Variants in STK32B observed in about 807,000 individuals in gnomAD.
STK32B encodes serine/threonine-protein kinase 32B.
Under a neutral mutation model 52.6 loss-of-function variants are expected in STK32B, and 43 were observed. The observed-to-expected ratio is 0.82, with a 90% CI of 0.64 to 1.05. The LOEUF (loss-of-function observed/expected upper bound fraction) is 1.05, where lower values mean the gene tolerates loss of function less well. STK32B is among the 50% of genes least tolerant of loss of function. The pLI is 0.00. For missense variants in STK32B, 621 were observed against 534.6 expected (o/e 1.16, Z -1.59); for synonymous variants, 238 against 204.3 (o/e 1.17, Z -1.41).
intron 3 of STK32B, among the ~76,000 whole-genome samples, chr4:5,274,795 C>T (rs7694814): frequency 0.11 from 16,339 of 152,080 alleles, 2,388 homozygotes; most frequent in African/African-American, 0.33. Flanking sequence ...TTTCCATCGC[C>T]GTCCACCACT....
rs16837331 is a variant in STK32B, at chr4:5,470,812, G to A, written c.1106+2742G>A. On this transcript the variant is annotated intron_variant, in intron 11 of 11. Transcript: ENST00000282908. This position sits in a 1 kb window ranked among gnomAD's most constrained non-coding sequence, Gnocchi z 4.6. ...ACCTGTTTATCCTTCACTTCTGTCT[G>A]GAATCCCATGTTAGAGGCACTGCTG... 0.023 allele frequency among the ~76,000 whole-genome samples: 3,530 copies of A among 152,304 alleles called. 49 individuals carry two copies. The highest frequency in any genetic ancestry group is 0.039 in the African/African-American group (1,630 of 41,564).
At chr4:5,416,572 C>A (rs1226706734) in intron 5 of STK32B, among the ~76,000 whole-genome samples, 1 of 152,176 alleles carries the variant, frequency 6.6e-6, no homozygotes, top group East Asian at 1.9e-4. Context: ...AGCTTTAATT[C>A]TCCACATCAG....
chr4:5,261,517 T>A (rs1417955175), intron 3 of STK32B, among the ~76,000 whole-genome samples: 1 of 152,174 alleles, frequency 6.6e-6, no homozygotes, highest in African/African-American at 2.4e-5. Flanking sequence ...TCAGACTCTT[T>A]AACCTATTGT....
At chr4:5,147,031 A>G (rs1716966346) in intron 2 of STK32B, among the ~76,000 whole-genome samples, 2 of 152,156 alleles carry the variant, frequency 1.3e-5, no homozygotes, top group Non-Finnish European at 2.9e-5. Context: ...CTTCTAATCC[A>G]TGGACATGGT....
chr4:5,192,738 A>G (rs1027017465), intron 3 of STK32B, among the ~76,000 whole-genome samples: 61 of 62,056 alleles, frequency 9.8e-4, no homozygotes, highest in Admixed American at 3.5e-3. Context: ...TGGTGAGAAC[A>G]CCGAGTTCTA....
At chr4:5,186,516 C>T (rs964089769) in intron 3 of STK32B, among the ~76,000 whole-genome samples, 6 of 152,156 alleles carry the variant, frequency 3.9e-5, no homozygotes, top group African/African-American at 7.2e-5. Context: ...TCGCTTATCT[C>T]GCTTGCTCTC....
At chr4:5,081,007 T>G (rs10032565) in intron 1 of STK32B, among the ~76,000 whole-genome samples, 98,901 of 152,030 alleles carry the variant, frequency 0.65, 32,949 homozygotes, top group East Asian at 0.98. Context: ...TTTTGTGAGT[T>G]TGGCTTTTTT....
chr4:5,354,284 T>C (rs920773354), intron 4 of STK32B, among the ~76,000 whole-genome samples: 7 of 152,062 alleles, frequency 4.6e-5, no homozygotes, highest in African/African-American at 1.7e-4. Context: ...TGTACAATTT[T>C]AGATGGAGTC....
intron 1 of STK32B, among the ~76,000 whole-genome samples, chr4:5,092,727 G>A (rs547715443): frequency 2.0e-5 from 3 of 152,136 alleles, no homozygotes; most frequent in East Asian, 3.9e-4. Context: ...ACCCGATCTC[G>A]TGAGAACTCA....
chr4:5,483,373 G>C (rs1165167863), intron 11 of STK32B, among the ~76,000 whole-genome samples: 4 of 151,980 alleles, frequency 2.6e-5, no homozygotes, highest in Admixed American at 1.3e-4. Flanking sequence ...GTTTATTTGC[G>C]TAGAGGTGTT....
intron 4 of STK32B, chr4:5,345,224 C>A (rs1733371072): frequency 6.7e-6 from 1 of 150,184 alleles, no homozygotes; most frequent in Non-Finnish European, 1.5e-5. Context: ...GGGTTTAAGC[C>A]CAGATATTAT....
chr4:5,051,399 G>C (rs978162668), upstream of STK32B: 8 of 174,832 alleles, frequency 4.6e-5, no homozygotes, highest in South Asian at 9.1e-4. Flanking sequence ...AGATTCTTCC[G>C]GGCCGATCCC....
intron 11 of STK32B, among the ~76,000 whole-genome samples, chr4:5,491,900 G>A (rs914391452): frequency 1.4e-4 from 22 of 152,264 alleles, no homozygotes; most frequent in African/African-American, 3.6e-4. Context: ...GATATGCGGA[G>A]TTATTTCTGA....
At chr4:5,228,756 T>C (rs1724043240) in intron 3 of STK32B, among the ~76,000 whole-genome samples, 1 of 152,096 alleles carries the variant, frequency 6.6e-6, no homozygotes, top group African/African-American at 2.4e-5. Context: ...TCACCTGAGG[T>C]CAAGAGTTTG....
rs190998631 is a variant in STK32B at position 5,450,112 on chromosome 4, G to T, written c.666+3336G>T. On this transcript the variant is annotated intron_variant, in intron 7 of 11. Transcript: ENST00000282908. ...GCAGAGAACCCTGTGCTTTTGGTTG[G>T]AGCTTGTAGGCTAGACAAGAGACCT... 6.1e-3 allele frequency among the ~76,000 whole-genome samples: 924 copies of T among 152,236 alleles called. 5 individuals carry two copies. The highest frequency in any genetic ancestry group is 0.011 in the Non-Finnish European group (715 of 68,020).
At chr4:5,350,681 A>G (rs1733767598) in intron 4 of STK32B, among the ~76,000 whole-genome samples, 2 of 152,160 alleles carry the variant, frequency 1.3e-5, no homozygotes, top group South Asian at 4.1e-4. Flanking sequence ...TTTCTACTTA[A>G]AATATATAGA....
rs142039247 is a variant in STK32B, at chr4:5,445,005, C to T, written c.563-1668C>T. ...GTTTGTGCTGAACGAAATGTTGAGA[C>T]GAACCTTACTTCAAACAGGAATTCA... is the stretch of plus-strand genomic sequence containing the variant. On this transcript the variant is annotated intron_variant, in intron 6 of 11. Transcript: ENST00000282908. Among the ~76,000 whole-genome samples the T allele has an allele frequency of 2.1e-3, 326 of 152,222 alleles. 3 individuals carry two copies. Among genetic ancestry groups the T allele is most frequent in the South Asian group, 8.3e-3 (40 of 4,816 alleles).
intron 7 of STK32B, among the ~76,000 whole-genome samples, chr4:5,450,950 T>G (rs1388780095): frequency 6.6e-6 from 1 of 152,112 alleles, no homozygotes; most frequent in Non-Finnish European, 1.5e-5. Flanking sequence ...TGAGCAGAGA[T>G]GGGTTCCCAT....
chr4:5,102,628 T>C (rs1386864999), intron 1 of STK32B, among the ~76,000 whole-genome samples: 2 of 151,152 alleles, frequency 1.3e-5, no homozygotes, highest in Non-Finnish European at 2.9e-5. Context: ...GCCTCCCGAG[T>C]TCAAGCCATT....
Sources: allele counts gnomAD v4.1 joint callset (sites outside exome capture counted in the v4.1 genomes callset), GRCh38; gene constraint gnomAD v4.1.1; non-coding constraint Gnocchi (gnomAD v3.1); transcripts MANE v1.5; gene names NCBI Gene and HGNC (gene_info 2026-07-23, HGNC 2026-07-21).